Variants in FRY observed in about 807,000 individuals in gnomAD.
FRY encodes FRY microtubule binding protein.
In FRY, 128 loss-of-function variants were observed where a neutral mutation model predicts 348.4. That is an observed-to-expected ratio of 0.37 (90% CI 0.32 to 0.43). The LOEUF is 0.43. FRY is among the 20% of genes least tolerant of loss of function. The pLI is 1.00. For missense variants in FRY, 2,736 were observed against 3,695.2 expected, an observed-to-expected ratio of 0.74 and a Z score of 6.73; for synonymous variants, 1,370 against 1,374.7, an observed-to-expected ratio of 1.00 and a Z score of 0.08.
Position 32,179,710 on chromosome 13 carries a change from G to A in FRY, c.2907G>A (p.Lys969=). The part of the protein sequence containing the change: ...IGTPSVGVLL[K]QLVPLMRLES... ...CCCCATCGGTGGGAGTTCTGTTAAA[G>A]CAGTTGGTGCCTTTGATGAGACTAG... Residue 969 remains lysine, a synonymous_variant, in exon 23 of 61, where the codon AAG becomes AAA. Coordinates refer to ENST00000542859, the MANE Select transcript of FRY (RefSeq NM_023037.3). 6.2e-7 allele frequency: 1 copy of A among 1,613,830 alleles called. No homozygotes were observed. The highest frequency in any genetic ancestry group is 8.5e-7 in the Non-Finnish European group (1 of 1,179,720).
At chr13:32,169,268 C>G (rs954528297) in intron 17 of FRY, among the ~76,000 whole-genome samples, 1 of 152,186 alleles carries the variant, frequency 6.6e-6, no homozygotes, top group Admixed American at 6.5e-5. Context: ...CTCCCTATTC[C>G]TGCCTGACTC....
intron 51 of FRY, among the ~76,000 whole-genome samples, chr13:32,254,864 T>G (rs1315176834): frequency 6.6e-6 from 1 of 152,204 alleles, no homozygotes; most frequent in African/African-American, 2.4e-5. Flanking sequence ...TTGTGCTTGA[T>G]GAAATCGTTA....
chr13:32,205,143 C>T (rs1327903069), intron 31 of FRY, among the ~76,000 whole-genome samples: 9 of 135,474 alleles, frequency 6.6e-5, no homozygotes, highest in African/African-American at 2.3e-4. Context: ...GCAGAGGTTG[C>T]AGTTAGCCGA....
chr13:32,290,838 AGAGTT>A (rs1889305608), intron 59 of FRY, among the ~76,000 whole-genome samples: 5 of 152,062 alleles, frequency 3.3e-5, no homozygotes, highest in Admixed American at 3.3e-4. Context: ...AGGAGAAAGA[AGAGTT>A]GAGGAGAGGA....
chr13:32,178,503 G>C lies in FRY; in HGVS notation c.2681+67G>C, dbSNP rs572094457. On this transcript the variant is annotated intron_variant, in intron 21 of 60. Coordinates refer to ENST00000542859, the MANE Select transcript of FRY (RefSeq NM_023037.3). ...ATTTGCCCTCTTAAATTTTCATTTTGTGTAAGAGATTGGGATGTTATCATC... is the reference window on the plus strand; with the variant it reads ...ATTTGCCCTCTTAAATTTTCATTTTCTGTAAGAGATTGGGATGTTATCATC... 3.3e-6 allele frequency: 5 copies of C among 1,533,908 alleles called. No homozygotes were observed. In the East Asian group the frequency reaches 9.0e-5, roughly 28 times the overall value.
At chr13:32,061,684 A>G (rs898171825) in intron 1 of FRY, among the ~76,000 whole-genome samples, 15 of 152,192 alleles carry the variant, frequency 9.9e-5, no homozygotes, top group African/African-American at 3.4e-4. Flanking sequence ...TGTAAAAGAT[A>G]AAATATTTTT....
intron 16 of FRY, among the ~76,000 whole-genome samples, chr13:32,159,697 A>G (rs920637763): frequency 2.0e-5 from 3 of 152,196 alleles, no homozygotes; most frequent in Non-Finnish European, 2.9e-5. Flanking sequence ...ACTTCAGGCC[A>G]GGCAAGGTCA....
At chr13:32,164,167 A>G (rs981400343) in intron 17 of FRY, among the ~76,000 whole-genome samples, 5 of 152,148 alleles carry the variant, frequency 3.3e-5, no homozygotes, top group Admixed American at 1.3e-4. Flanking sequence ...ATAGCAATAA[A>G]TGTGGGTTTC....
intron 29 of FRY, among the ~76,000 whole-genome samples, chr13:32,198,153 A>G (rs1230633976): frequency 3.3e-5 from 5 of 152,108 alleles, no homozygotes; most frequent in African/African-American, 2.4e-5. Context: ...TTAATAGCTC[A>G]TTCTTCAACA....
chr13:32,069,315 A>G (rs1350845589), intron 1 of FRY, among the ~76,000 whole-genome samples: 3 of 152,172 alleles, frequency 2.0e-5, no homozygotes, highest in Non-Finnish European at 4.4e-5. Context: ...ACAGAGGGAG[A>G]GACCTTCATG....
intron 1 of FRY, among the ~76,000 whole-genome samples, chr13:32,049,497 C>G (rs955098250): frequency 2.0e-5 from 3 of 152,084 alleles, no homozygotes; most frequent in Non-Finnish European, 4.4e-5. Context: ...TGCAGTGGCA[C>G]GATCTCAGCT....
At chr13:32,211,998 C>T (rs1328447646) in intron 34 of FRY, among the ~76,000 whole-genome samples, 2 of 152,218 alleles carry the variant, frequency 1.3e-5, no homozygotes, top group Non-Finnish European at 2.9e-5. Context: ...GGGCCAGCCA[C>T]TATAAATAAG....
rs1368033097 is a variant in FRY, at chr13:32,074,534, G to A, written c.71-4300G>A. Among the ~76,000 whole-genome samples, 8 of 152,160 alleles carry A rather than the reference G, an allele frequency of 5.3e-5. No individual in the cohort carries two copies. The East Asian group carries it at 9.6e-4, about 18-fold the overall frequency. On this transcript the variant is annotated intron_variant, in intron 1 of 60. Coordinates refer to ENST00000542859, the MANE Select transcript of FRY (RefSeq NM_023037.3). Reference sequence around the variant, plus strand: ...GCTGTTATATGACGATAGAAAGGACGAAGGAAAGGAGAATAAAGGCAGATG... The same window carrying A: ...GCTGTTATATGACGATAGAAAGGACAAAGGAAAGGAGAATAAAGGCAGATG...
rs751751462 is a variant in FRY, at chr13:32,161,126, T to G, written c.1785-18T>G. 9 of 1,506,120 alleles carry G rather than the reference T, an allele frequency of 6.0e-6. No homozygotes were observed. In the South Asian group the frequency reaches 1.0e-4, roughly 17 times the overall value. The allele number at this position is 1,506,120 out of a possible 1,614,324, so 93.3% of individuals were successfully genotyped here. On this transcript the variant is annotated intron_variant, in intron 16 of 60. Coordinates refer to ENST00000542859, the MANE Select transcript of FRY (RefSeq NM_023037.3). ...ACAGCTTTTTGACCTATTTTAAAAT[T>G]TTGTCTTCTAATTCTAGGGGTGAGA...
rs753614791 is a variant in FRY at position 32,236,119 on chromosome 13, G to A, written c.5757G>A (p.Val1919=). The part of the protein sequence containing the change: ...MEALLTLEAA[V]DNLSDCLKNS... The stretch of plus-strand genomic sequence containing the variant: ...CGCTCCTAACCTTGGAGGCGGCTGT[G>A]GATAACTTGTCTGACTGCTTGAAGA... Residue 1919 remains valine, a synonymous_variant, in exon 43 of 61, where the codon GTG becomes GTA. Coordinates refer to ENST00000542859, the MANE Select transcript of FRY (RefSeq NM_023037.3). 1 of 1,614,036 alleles carries A rather than the reference G, an allele frequency of 6.2e-7. No individual in the cohort carries two copies.
intron 1 of FRY, among the ~76,000 whole-genome samples, chr13:32,072,303 A>T (rs990082406): frequency 2.0e-5 from 3 of 152,234 alleles, no homozygotes; most frequent in African/African-American, 7.2e-5. Flanking sequence ...TTTTCTTCCA[A>T]TGCAAAAATT....
At position 32,202,044 on chromosome 13, in the gene FRY, C is replaced by A; in HGVS notation, c.3846+4C>A. 2 of 1,511,642 alleles carry A rather than the reference C, an allele frequency of 1.3e-6. No individual in the cohort carries two copies. The highest frequency in any genetic ancestry group is 9.2e-7 in the Non-Finnish European group (1 of 1,087,022). 93.6% of individuals were successfully genotyped at this position (1,511,642 alleles called of 1,614,324 possible). A position where few individuals can be genotyped will look rare whatever the true frequency, so the allele number is the denominator to read the frequency against. On this transcript the variant is annotated splice_donor_region_variant and intron_variant, in intron 30 of 60. Coordinates refer to ENST00000542859, the MANE Select transcript of FRY (RefSeq NM_023037.3). ...AATCTCCATGCAGCTCATGCAGGCA[C>A]GTATCATTTACTGGCATAGAAAATA... is the stretch of plus-strand genomic sequence containing the variant.
chr13:32,228,665 G>T lies in FRY; in HGVS notation c.5405+11G>T. ...GTTTCTCACGACCAGGTAATAAGGG[G>T]TTAGGAGTCCGCTGCTGTTTGCAGG... On this transcript the variant is annotated intron_variant, in intron 40 of 60. Coordinates refer to ENST00000542859, the MANE Select transcript of FRY (RefSeq NM_023037.3). 1 of 1,612,452 alleles carries T rather than the reference G, an allele frequency of 6.2e-7. No homozygotes were observed. The highest frequency in any genetic ancestry group is 8.5e-7 in the Non-Finnish European group (1 of 1,178,428).
At chr13:32,053,949 C>T (rs529862959) in intron 1 of FRY, among the ~76,000 whole-genome samples, 4 of 152,108 alleles carry the variant, frequency 2.6e-5, no homozygotes, top group Admixed American at 1.3e-4. Context: ...GAGATCACAC[C>T]GCTGCATTCC....
Sources: allele counts gnomAD v4.1 joint callset (sites outside exome capture counted in the v4.1 genomes callset), GRCh38; gene constraint gnomAD v4.1.1; transcripts MANE v1.5; gene names NCBI Gene and HGNC (gene_info 2026-07-23, HGNC 2026-07-21).